The following MDGA2 variants were observed in gnomAD, a reference collection of about 807,000 sequenced individuals.
The protein encoded by MDGA2 is MAM domain containing glycosylphosphatidylinositol anchor 2.
In MDGA2, 40 loss-of-function variants were observed where a neutral mutation model predicts 117.8. The ratio of observed to expected loss-of-function variants is 0.34; its 90% CI spans 0.26 to 0.44. MDGA2 has a LOEUF of 0.44. MDGA2 is among the 20% of genes least tolerant of loss of function. MDGA2 has a pLI of 1.00. For missense variants in MDGA2, 1,123 were observed against 1,250.6 expected, an observed-to-expected ratio of 0.90 and a Z score of 1.54; for synonymous variants, 452 against 439.0, an observed-to-expected ratio of 1.03 and a Z score of -0.37.
At chr14:47,654,948 C>T (rs1897716466) in intron 1 of MDGA2, among the ~76,000 whole-genome samples, 1 of 151,946 alleles carries the variant, frequency 6.6e-6, no homozygotes, top group Non-Finnish European at 1.5e-5. Flanking sequence ...GGAGGACCCT[C>T]CCAGGATACA....
rs778356834 is a variant in MDGA2 at position 47,651,019 on chromosome 14, A to T, written c.280+23498T>A. 3.3e-5 allele frequency among the ~76,000 whole-genome samples: 5 copies of T among 152,270 alleles called. No homozygotes were observed. In the East Asian group the frequency reaches 9.6e-4, roughly 29 times the overall value. On this transcript the variant is annotated intron_variant, in intron 1 of 16. Coordinates refer to ENST00000399232, the MANE Select transcript of MDGA2 (RefSeq NM_001113498.3). ...AACATTTATTTCAATGTTTAATATT[A>T]GAAGCTTTTTGGGTCTTTATTTAGA... is the stretch of plus-strand genomic sequence containing the variant.
At chr14:47,666,975 G>A (rs1897985335) in intron 1 of MDGA2, among the ~76,000 whole-genome samples, 1 of 151,966 alleles carries the variant, frequency 6.6e-6, no homozygotes, top group African/African-American at 2.4e-5. Flanking sequence ...CCCACTAGAA[G>A]GAAAAAACTC....
intron 5 of MDGA2, among the ~76,000 whole-genome samples, chr14:47,117,799 C>T (rs530976896): frequency 6.6e-6 from 1 of 152,028 alleles, no homozygotes; most frequent in Non-Finnish European, 1.5e-5. Flanking sequence ...AAGTTTAAGT[C>T]AAGCAAGAAG....
chr14:47,203,775 C>T (rs948013079), intron 3 of MDGA2, among the ~76,000 whole-genome samples: 1 of 151,782 alleles, frequency 6.6e-6, no homozygotes, highest in African/African-American at 2.4e-5. Context: ...GGGCTTAGAC[C>T]AAGAGTCTTC....
chr14:46,861,774 C>G (rs911587016), intron 14 of MDGA2, among the ~76,000 whole-genome samples: 1 of 151,816 alleles, frequency 6.6e-6, no homozygotes, highest in Non-Finnish European at 1.5e-5. Flanking sequence ...ATGAGAAAAG[C>G]AGTGTTAATC....
intron 2 of MDGA2, among the ~76,000 whole-genome samples, chr14:47,258,642 A>G (rs1012320015): frequency 6.6e-6 from 1 of 152,114 alleles, no homozygotes; most frequent in African/African-American, 2.4e-5. Context: ...AAATTATATT[A>G]GTACAGACTT....
chr14:47,284,285 T>TG (rs1350177519), intron 2 of MDGA2, among the ~76,000 whole-genome samples: 11 of 152,168 alleles, frequency 7.2e-5, no homozygotes, highest in Non-Finnish European at 1.5e-5. Flanking sequence ...AACACATCTC[T>TG]GGGACTTGAG....
At chr14:47,540,138 C>A (rs1291577608) in intron 1 of MDGA2, among the ~76,000 whole-genome samples, 2 of 152,074 alleles carry the variant, frequency 1.3e-5, no homozygotes, top group African/African-American at 4.8e-5. Flanking sequence ...CTCAGCCTCC[C>A]GAGTAGCTGG....
intron 1 of MDGA2, among the ~76,000 whole-genome samples, chr14:47,653,753 G>A (rs547478497): frequency 2.1e-4 from 32 of 152,214 alleles, no homozygotes; most frequent in South Asian, 4.1e-4. Context: ...GCAAGACAGC[G>A]GAAAAAGAGG....
At chr14:47,449,972 C>G (rs1893206465) in intron 1 of MDGA2, among the ~76,000 whole-genome samples, 1 of 151,990 alleles carries the variant, frequency 6.6e-6, no homozygotes, top group African/African-American at 2.4e-5. Context: ...CCTATATGTT[C>G]TTTTGCTACA....
intron 10 of MDGA2, among the ~76,000 whole-genome samples, chr14:46,908,517 C>T (rs2933187): frequency 0.74 from 112,569 of 152,020 alleles, 42,477 homozygotes; most frequent in East Asian, 1. Flanking sequence ...ATTGCCTCCA[C>T]GACAATGCCT....
At chr14:46,940,157 C>CTGTGT (rs1555336687) in intron 9 of MDGA2, among the ~76,000 whole-genome samples, 1 of 151,254 alleles carries the variant, frequency 6.6e-6, no homozygotes, top group Non-Finnish European at 1.5e-5. Flanking sequence ...ATCATATTTG[C>CTGTGT]TATATCACTA....
intron 1 of MDGA2, among the ~76,000 whole-genome samples, chr14:47,399,101 G>C (rs935337870): frequency 2.6e-5 from 4 of 152,044 alleles, no homozygotes; most frequent in African/African-American, 9.7e-5. Flanking sequence ...AAGAAAACCA[G>C]GTTTTTGGTA....
chr14:47,533,478 C>T (rs1019863126), intron 1 of MDGA2, among the ~76,000 whole-genome samples: 15 of 152,152 alleles, frequency 9.9e-5, no homozygotes, highest in Non-Finnish European at 4.4e-5. Context: ...AAACATTTTA[C>T]ATAAATTCAT....
intron 1 of MDGA2, among the ~76,000 whole-genome samples, chr14:47,469,731 T>C (rs1366513227): frequency 1.3e-5 from 2 of 152,148 alleles, no homozygotes; most frequent in East Asian, 1.9e-4. Flanking sequence ...ATCGCCACAC[T>C]GACTTCCACA....
intron 1 of MDGA2, among the ~76,000 whole-genome samples, chr14:47,341,086 T>C (rs1352555131): frequency 6.6e-6 from 1 of 152,212 alleles, no homozygotes; most frequent in Non-Finnish European, 1.5e-5. Context: ...GCTTTCTATA[T>C]AAGAAACTGC....
In MDGA2 at chr14:47,460,799, T is replaced by C. The variant is rs1184542498; in HGVS notation, c.281-159249A>G. ...GGATAATATGAGTATCCCTGATCCA[T>C]TGTTCGCCTTGGAATGACTCTAAAA... On this transcript the variant is annotated intron_variant, in intron 1 of 16. Coordinates refer to ENST00000399232, the MANE Select transcript of MDGA2 (RefSeq NM_001113498.3). Among the ~76,000 whole-genome samples the C allele has an allele frequency of 2.0e-4, 31 of 152,104 alleles. 2 individuals are homozygous for C. Among genetic ancestry groups the C allele is most frequent in the Admixed American group, 2.0e-3 (31 of 15,266 alleles).
At chr14:46,879,920 C>A (rs1882377934) in intron 11 of MDGA2, among the ~76,000 whole-genome samples, 1 of 152,158 alleles carries the variant, frequency 6.6e-6, no homozygotes, top group South Asian at 2.1e-4. Context: ...GTATTCACTA[C>A]TTTCCCCTTA....
chr14:47,225,598 T>G (rs1187468176), intron 2 of MDGA2, among the ~76,000 whole-genome samples: 2 of 145,676 alleles, frequency 1.4e-5, no homozygotes, highest in East Asian at 2.0e-4. Flanking sequence ...CACTCATAGG[T>G]GGGAATTGAA....
Sources: gnomAD v4.1 joint callset for allele counts (sites outside exome capture counted in the v4.1 genomes callset) on GRCh38, gnomAD v4.1.1 for gene constraint, MANE v1.5 for transcripts, NCBI Gene and HGNC (gene_info 2026-07-23, HGNC 2026-07-21) for gene names.